Variants in TPST1 observed in about 807,000 individuals in gnomAD.
The protein encoded by TPST1 is tyrosylprotein sulfotransferase 1.
Under a neutral mutation model 34.8 loss-of-function variants are expected in TPST1, and 20 were observed. That is an observed-to-expected ratio of 0.57 (90% confidence interval 0.40 to 0.84). The LOEUF (loss-of-function observed/expected upper bound fraction) is 0.84, where lower values mean the gene tolerates loss of function less well. TPST1 is among the 40% of genes least tolerant of loss of function. TPST1 has a pLI of 0.00. For missense variants in TPST1, 353 were observed against 455.5 expected, an observed-to-expected ratio of 0.78 and a Z score of 2.05; for synonymous variants, 152 against 159.4, an observed-to-expected ratio of 0.95 and a Z score of 0.35.
intron 3 of TPST1, among the ~76,000 whole-genome samples, chr7:66,333,058 C>T (rs1282313534): frequency 6.6e-6 from 1 of 152,160 alleles, no homozygotes; most frequent in African/African-American, 2.4e-5. Flanking sequence ...TGCTCAGAAT[C>T]TCTTAGGTTT....
chr7:66,259,446 T>C (rs553896881), intron 2 of TPST1, among the ~76,000 whole-genome samples: 17 of 152,288 alleles, frequency 1.1e-4, no homozygotes, highest in Admixed American at 8.5e-4. Flanking sequence ...GTGAGTTTTA[T>C]AGTTTATATA....
chr7:66,332,619 T>A lies in TPST1; in HGVS notation c.1045-19886T>A, dbSNP rs1792019725. The stretch of plus-strand genomic sequence containing the variant: ...TTGTTACTATAGTCAGCCCTTTGTA[T>A]CTGTGGTTTCCACATCCATAGATTC... On this transcript the variant is annotated intron_variant, in intron 3 of 5. Coordinates refer to ENST00000304842, the MANE Select transcript of TPST1 (RefSeq NM_003596.4). This position sits in a 1 kb window ranked among gnomAD's most constrained non-coding sequence, Gnocchi z 4.5. Among the ~76,000 whole-genome samples the A allele has an allele frequency of 2.0e-5, 3 of 152,162 alleles. No individual in the cohort carries two copies. In the South Asian group the frequency reaches 6.2e-4, roughly 32 times the overall value.
chr7:66,275,908 A>G (rs6970498), intron 2 of TPST1, among the ~76,000 whole-genome samples: 31,130 of 152,022 alleles, frequency 0.2, 3,668 homozygotes, highest in East Asian at 0.3. Context: ...GGTAATGCAC[A>G]TGTTAATTAG....
chr7:66,255,181 G>T (rs1198877789), intron 2 of TPST1, among the ~76,000 whole-genome samples: 1 of 151,894 alleles, frequency 6.6e-6, no homozygotes, highest in East Asian at 1.9e-4. Context: ...TTTTTAAGTG[G>T]GGACAGTTTG....
At chr7:66,218,874 GTTTTAT>G (rs1289683146) in intron 1 of TPST1, among the ~76,000 whole-genome samples, 1 of 151,016 alleles carries the variant, frequency 6.6e-6, no homozygotes, top group African/African-American at 2.4e-5. Context: ...TTATTATAGT[GTTTTAT>G]TTTATTTTAT....
At position 66,206,513 on chromosome 7, in the gene TPST1, C is replaced by T. The variant is rs184149963; in HGVS notation, c.-102+991C>T. 2.3e-3 allele frequency among the ~76,000 whole-genome samples: 343 copies of T among 152,180 alleles called. 2 individuals carry two copies. The highest frequency in any genetic ancestry group is 7.8e-3 in the African/African-American group (326 of 41,532). Reference sequence around the variant, plus strand: ...GAGAAATTGGTGAACTCCAGTAAAGCGATTAAATGGTCAATTACTGCATTC... The same window carrying T: ...GAGAAATTGGTGAACTCCAGTAAAGTGATTAAATGGTCAATTACTGCATTC... On this transcript the variant is annotated intron_variant, in intron 1 of 5. Transcript: ENST00000304842.
At chr7:66,220,449 G>A (rs1789518173) in intron 1 of TPST1, among the ~76,000 whole-genome samples, 1 of 152,182 alleles carries the variant, frequency 6.6e-6, no homozygotes, top group Non-Finnish European at 1.5e-5. Flanking sequence ...AGTGTGAGAT[G>A]TGATATAGGG....
At chr7:66,218,476 T>C (rs1251550131) in intron 1 of TPST1, among the ~76,000 whole-genome samples, 1 of 152,210 alleles carries the variant, frequency 6.6e-6, no homozygotes, top group Non-Finnish European at 1.5e-5. Flanking sequence ...CAGTACATGG[T>C]TGTACATGTG....
At chr7:66,245,560 AT>A (rs1436958067) in intron 2 of TPST1, among the ~76,000 whole-genome samples, 3 of 152,230 alleles carry the variant, frequency 2.0e-5, no homozygotes, top group Non-Finnish European at 2.9e-5. Flanking sequence ...CTAAAACTGG[AT>A]TTTATAAAGA....
At position 66,219,754 on chromosome 7, in the gene TPST1, A is replaced by T. The variant is rs143246280; in HGVS notation, c.-102+14232A>T. 2.8e-3 allele frequency among the ~76,000 whole-genome samples: 434 copies of T among 152,374 alleles called. 2 individuals are homozygous for T. Among genetic ancestry groups the T allele is most frequent in the African/African-American group, 0.01 (428 of 41,598 alleles). ...CTGGCTTTTTGTTCATGCCAAGCCT[A>T]ATAATGACTGGGACGTACCATGGTA... On this transcript the variant is annotated intron_variant, in intron 1 of 5. Transcript: ENST00000304842.
At chr7:66,225,964 G>A (rs148416435) in intron 1 of TPST1, among the ~76,000 whole-genome samples, 1,684 of 151,798 alleles carry the variant, frequency 0.011, 13 homozygotes, top group Middle Eastern at 0.024. Context: ...TCGGCTCACT[G>A]CAAGCTCTGC....
chr7:66,278,740 A>ACCACTGCACTCCAGC (rs529279026), intron 2 of TPST1, among the ~76,000 whole-genome samples: 4 of 151,608 alleles, frequency 2.6e-5, no homozygotes, highest in South Asian at 2.1e-4. Flanking sequence ...CCGAGATCGC[A>ACCACTGCACTCCAGC]CCACTGCACT....
At chr7:66,278,746 G>A (rs982585477) in intron 2 of TPST1, among the ~76,000 whole-genome samples, 2 of 147,034 alleles carry the variant, frequency 1.4e-5, no homozygotes, top group Non-Finnish European at 3.1e-5. Context: ...TCGCACCACT[G>A]CACTCCAGCC....
chr7:66,232,645 C>T (rs966141507), intron 1 of TPST1, among the ~76,000 whole-genome samples: 56 of 152,168 alleles, frequency 3.7e-4, no homozygotes, highest in Admixed American at 1.0e-3. Context: ...GCATGAGCCA[C>T]CGCGCCCGGC....
At chr7:66,229,373 A>G (rs905575310) in intron 1 of TPST1, among the ~76,000 whole-genome samples, 2 of 152,092 alleles carry the variant, frequency 1.3e-5, no homozygotes, top group Non-Finnish European at 2.9e-5. Flanking sequence ...GCCTCCCAAA[A>G]TGCTGGGATT....
Position 66,240,654 on chromosome 7 carries a change from G to A in TPST1, c.229G>A (p.Val77Met). The stretch of plus-strand genomic sequence containing the variant: ...TATGCCTTTAATATTTATTGGAGGT[G>A]TGCCTCGGAGTGGAACCACACTCAT... ...KDMPLIFIGGVPRSGTTLMRA... is the reference protein window; with the variant it reads ...KDMPLIFIGGMPRSGTTLMRA... Residue 77 changes from valine to methionine, a missense_variant, in exon 2 of 6, where the codon GTG (valine) becomes ATG (methionine). By Grantham distance (21) the Val-to-Met change is conservative (BLOSUM62 1). Transcript: ENST00000304842. 6.2e-7 allele frequency: 1 copy of A among 1,614,206 alleles called. No individual in the cohort carries two copies. The highest frequency in any genetic ancestry group is 2.2e-5 in the East Asian group (1 of 44,880).
chr7:66,238,408 C>CTTTTTTT (rs370723283), intron 1 of TPST1, among the ~76,000 whole-genome samples: 6 of 131,914 alleles, frequency 4.5e-5, no homozygotes, highest in Admixed American at 7.6e-5. Flanking sequence ...ACAGCACTGG[C>CTTTTTTT]TTTTTTTTTT....
chr7:66,251,188 T>C (rs1186257288), intron 2 of TPST1, among the ~76,000 whole-genome samples: 1 of 152,170 alleles, frequency 6.6e-6, no homozygotes, highest in Non-Finnish European at 1.5e-5. Flanking sequence ...TATAAAGCCC[T>C]TAGCCAAGTG....
intron 1 of TPST1, among the ~76,000 whole-genome samples, chr7:66,217,119 A>T (rs1168017143): frequency 6.6e-6 from 1 of 152,176 alleles, no homozygotes; most frequent in Non-Finnish European, 1.5e-5. Context: ...CACATGGTCT[A>T]TCCTAGAGAA....
Sources: allele counts gnomAD v4.1 joint callset (sites outside exome capture counted in the v4.1 genomes callset), GRCh38; gene constraint gnomAD v4.1.1; non-coding constraint Gnocchi (gnomAD v3.1); transcripts MANE v1.5; gene names NCBI Gene and HGNC (gene_info 2026-07-23, HGNC 2026-07-21).